ATRX: variants seen among roughly 807,000 people sequenced by gnomAD.
The protein encoded by ATRX is ATRX chromatin remodeler, also known as chromatin remodeler ATRX.
Under a neutral mutation model 172.6 loss-of-function variants are expected in ATRX, and 12 were observed. That is an observed-to-expected ratio of 0.07 (90% CI 0.04 to 0.11). The LOEUF (loss-of-function observed/expected upper bound fraction) is 0.11. Ranked by LOEUF, ATRX falls within the 10% of genes least tolerant of loss-of-function variation. The pLI, the probability that ATRX is intolerant of heterozygous loss-of-function variation, is 1.00. For missense variants in ATRX, 1,368 were observed against 1,767.4 expected (o/e 0.77, Z 4.05); for synonymous variants, 674 against 594.7 (o/e 1.13, Z -1.94).
At chrX:77,638,156 C>G (rs1263338418) in intron 15 of ATRX, among the ~76,000 whole-genome samples, 1 of 111,329 alleles carries the variant, frequency 9.0e-6, no homozygotes, top group Non-Finnish European at 1.9e-5. Context: ...TTACCCATCA[C>G]TCAGCTTCAA....
rs190665045 is a variant in ATRX at position 77,598,880 on chromosome X, T to C, written c.5956+531A>G. ...TACACAGGAAACCTAAAGTAGATAA[T>C]TGCAGATTATGAAGAATCACAAAGG... On this transcript the variant is annotated intron_variant, in intron 25 of 34. Transcript: ENST00000373344. Among the ~76,000 whole-genome samples, 10 of 112,340 alleles carry C rather than the reference T, an allele frequency of 8.9e-5. No homozygotes were observed. The East Asian group carries it at 2.8e-3, about 31-fold the overall frequency.
At chrX:77,622,190 C>T (rs530239223) in intron 19 of ATRX, among the ~76,000 whole-genome samples, 1 of 111,885 alleles carries the variant, frequency 8.9e-6, no homozygotes, top group Admixed American at 9.5e-5. Flanking sequence ...CTTCCACAGG[C>T]ACCCAAAGAT....
At chrX:77,722,141 G>C (rs782795370) in intron 1 of ATRX, among the ~76,000 whole-genome samples, 1 of 111,363 alleles carries the variant, frequency 9.0e-6, no homozygotes, top group East Asian at 2.8e-4. Context: ...ACTGAAGCTG[G>C]ACTCCTTCCT....
At chrX:77,677,726 A>G (rs782561111) in intron 9 of ATRX, among the ~76,000 whole-genome samples, 1 of 110,484 alleles carries the variant, frequency 9.1e-6, no homozygotes, top group African/African-American at 3.3e-5. Context: ...AAAGCTAAAA[A>G]GGCAAAAAAA....
intron 27 of ATRX, among the ~76,000 whole-genome samples, chrX:77,584,015 A>T (rs943877056): frequency 8.9e-6 from 1 of 111,916 alleles, no homozygotes; most frequent in African/African-American, 3.3e-5. Context: ...AACCTGAAAG[A>T]GAAATAAAGA....
intron 1 of ATRX, chrX:77,727,835 T>G (rs1379359549): frequency 2.7e-5 from 3 of 111,335 alleles, no homozygotes; most frequent in African/African-American, 9.8e-5. Flanking sequence ...TAATAAGAAA[T>G]AAAAAATACA....
chrX:77,575,715 T>C (rs1265057653), intron 27 of ATRX: 4 of 111,793 alleles, frequency 3.6e-5, no homozygotes, highest in Non-Finnish European at 7.5e-5. Context: ...TTTTCACTTA[T>C]GGCAAGTAAT....
intron 30 of ATRX, among the ~76,000 whole-genome samples, chrX:77,535,366 G>A (rs2063714866): frequency 8.9e-6 from 1 of 111,913 alleles, no homozygotes; most frequent in African/African-American, 3.2e-5. Flanking sequence ...TGACTTAGGT[G>A]GAAGGTAAAA....
chrX:77,703,820 G>T (rs990733451), intron 2 of ATRX, among the ~76,000 whole-genome samples: 4 of 111,654 alleles, frequency 3.6e-5, no homozygotes, highest in Admixed American at 9.4e-5. Flanking sequence ...AAACCCAAAG[G>T]GGGCAGCTCC....
At chrX:77,518,672 C>A (rs1046939517) in intron 34 of ATRX, among the ~76,000 whole-genome samples, 26 of 111,804 alleles carry the variant, frequency 2.3e-4, no homozygotes, top group African/African-American at 8.4e-4. Flanking sequence ...TTTCATGGAA[C>A]CACAGAAGAC....
chrX:77,733,226 T>C (rs1324854355), intron 1 of ATRX, among the ~76,000 whole-genome samples: 2 of 111,749 alleles, frequency 1.8e-5, no homozygotes, highest in East Asian at 2.8e-4. Context: ...GTCCATACTA[T>C]CCAAAGCAAT....
At chrX:77,718,026 C>CT (rs2073536057) in intron 1 of ATRX, among the ~76,000 whole-genome samples, 1 of 111,263 alleles carries the variant, frequency 9.0e-6, no homozygotes, top group Non-Finnish European at 1.9e-5. Context: ...TTTCCTCTCA[C>CT]TTATATATAG....
intron 29 of ATRX, 82 bp from the exon 30 acceptor site, chrX:77,557,727 G>T: frequency 1.2e-6 from 1 of 865,235 alleles, no homozygotes; most frequent in Non-Finnish European, 1.6e-6. Flanking sequence ...ACGGTTACTG[G>T]TTAATATGAA....
At chrX:77,680,427 G>C (rs1330084498) in intron 9 of ATRX, among the ~76,000 whole-genome samples, 2 of 112,028 alleles carry the variant, frequency 1.8e-5, no homozygotes, top group African/African-American at 6.5e-5. Flanking sequence ...GCTGGGCACA[G>C]TAGCTCATGC....
At chrX:77,578,376 G>A (rs782773455) in intron 27 of ATRX, among the ~76,000 whole-genome samples, 3 of 112,095 alleles carry the variant, frequency 2.7e-5, no homozygotes, top group South Asian at 3.7e-4. Flanking sequence ...TCCAGGTAGC[G>A]CAGCTTAGAG....
rs781942266 is a variant in ATRX, at chrX:77,683,764, T to C, written c.1492A>G (p.Arg498Gly). 76 of 1,209,080 alleles carry C rather than the reference T, an allele frequency of 6.3e-5. No individual in the cohort carries two copies. In the East Asian group the frequency reaches 2.2e-3, roughly 35 times the overall value. Reference sequence around the variant, plus strand: ...GGTTCATATTGAGGTTCTTCTTTTCTATCAGATTTCTTATGTTCACCACCG... The same window carrying C: ...GGTTCATATTGAGGTTCTTCTTTTCCATCAGATTTCTTATGTTCACCACCG... Reference protein sequence around the residue: ...STGGEHKKSDRKEEPQYEPAN... With the variant: ...STGGEHKKSDGKEEPQYEPAN... Residue 498 changes from arginine (R) to glycine (G), a missense_variant, in exon 9 of 35, where the codon AGA becomes GGA. Arg to Gly is a moderately radical substitution (Grantham distance 125). This residue lies in a region of ATRX where 843 missense variants were observed against 643.1 expected (regional missense o/e 1.31). Coordinates refer to ENST00000373344, the MANE Select transcript of ATRX (RefSeq NM_000489.6).
rs1377782884 is a variant in ATRX at position 77,505,488 on chromosome X, A to C, written c.*2863T>G. On this transcript the variant is annotated 3_prime_UTR_variant, in exon 35 of 35. Coordinates refer to ENST00000373344, the MANE Select transcript of ATRX (RefSeq NM_000489.6). ...AAAGACATCCAAAACTAACACAAAC[A>C]CACATGGACTTCCTGGTATGTAAAT... 5.8e-6 allele frequency: 1 copy of C among 173,017 alleles called. No individual in the cohort carries two copies. The highest frequency in any genetic ancestry group is 1.1e-5 in the Non-Finnish European group (1 of 90,840). 14.3% of individuals were successfully genotyped at this position (173,017 alleles called of 1,213,427 possible). A position where few individuals can be genotyped will look rare whatever the true frequency, so the allele number is the denominator to read the frequency against.
chrX:77,672,807 CA>C (rs1441974935), intron 10 of ATRX, among the ~76,000 whole-genome samples: 1 of 111,303 alleles, frequency 9.0e-6, no homozygotes, highest in Non-Finnish European at 1.9e-5. Flanking sequence ...GGGGAGCAGA[CA>C]TCCATGTAGA....
chrX:77,757,672 TC>T (rs2148897457), intron 1 of ATRX, among the ~76,000 whole-genome samples: 1 of 109,450 alleles, frequency 9.1e-6, no homozygotes, highest in African/African-American at 3.3e-5. Context: ...GAAAGTATTA[TC>T]TTTTTTTTTT....
Sources: allele counts gnomAD v4.1 joint callset (sites outside exome capture counted in the v4.1 genomes callset), GRCh38; gene constraint gnomAD v4.1.1; regional missense constraint gnomAD v4.1.1; transcripts MANE v1.5; gene names NCBI Gene and HGNC (gene_info 2026-07-23, HGNC 2026-07-21).